The following NFXL1 variants were observed in gnomAD, a reference collection of about 807,000 sequenced individuals.
NFXL1 encodes NF-X1-type zinc finger protein NFXL1.
A neutral mutation model predicts 123.3 loss-of-function variants in NFXL1; 66 were observed. The ratio of observed to expected loss-of-function variants is 0.54; its 90% CI spans 0.44 to 0.66. The LOEUF (loss-of-function observed/expected upper bound fraction) is 0.66. Ranked by LOEUF, NFXL1 falls within the 30% of genes least tolerant of loss-of-function variation. The pLI is 0.00. For missense variants in NFXL1, 944 were observed against 1,125.6 expected (o/e 0.84, Z 2.31); for synonymous variants, 346 against 360.8 (o/e 0.96, Z 0.46).
Position 47,905,221 on chromosome 4 carries a change from A to G in NFXL1, c.516+16T>C, listed in dbSNP as rs770375012. ...TTTGGGGAGATACATTAATATAAATAAGGAGAAAAACTTACTGCTTGGTTT... is the reference window on the plus strand; with the variant it reads ...TTTGGGGAGATACATTAATATAAATGAGGAGAAAAACTTACTGCTTGGTTT... On this transcript the variant is annotated intron_variant, in intron 4 of 22. Coordinates refer to ENST00000507489, the MANE Select transcript of NFXL1 (RefSeq NM_001278624.2). 5.5e-6 allele frequency: 6 copies of G among 1,097,132 alleles called. No homozygotes were observed. The highest frequency in any genetic ancestry group is 6.9e-6 in the Non-Finnish European group (5 of 723,080). The allele number at this position is 1,097,132 out of a possible 1,614,324, so 68.0% of individuals were successfully genotyped here.
At chr4:47,890,363 C>T (rs2110086725) in intron 12 of NFXL1, among the ~76,000 whole-genome samples, 1 of 152,176 alleles carries the variant, frequency 6.6e-6, no homozygotes, top group South Asian at 2.1e-4. Context: ...CTTTTATATA[C>T]AGAAATCCTG....
intron 10 of NFXL1, among the ~76,000 whole-genome samples, chr4:47,896,074 A>G (rs1578033093): frequency 6.6e-6 from 1 of 152,222 alleles, no homozygotes. Flanking sequence ...ACATTTAACC[A>G]TTAAAGTCAC....
intron 17 of NFXL1, among the ~76,000 whole-genome samples, chr4:47,875,519 T>C (rs1462118612): frequency 6.6e-6 from 1 of 152,190 alleles, no homozygotes. Context: ...TTTTTGCCTA[T>C]GAGCCTCATT....
At chr4:47,889,136 C>T (rs1419735777) in intron 12 of NFXL1, among the ~76,000 whole-genome samples, 1 of 152,090 alleles carries the variant, frequency 6.6e-6, no homozygotes, top group East Asian at 1.9e-4. Flanking sequence ...AGATGTTAGA[C>T]ATTTATCAAG....
At chr4:47,892,045 C>T (rs889317944) in intron 11 of NFXL1, among the ~76,000 whole-genome samples, 2 of 152,094 alleles carry the variant, frequency 1.3e-5, no homozygotes, top group Non-Finnish European at 2.9e-5. Flanking sequence ...ATTATGTGGT[C>T]CATGACTTGA....
At position 47,884,411 on chromosome 4, in the gene NFXL1, C is replaced by CTGT; in HGVS notation, c.1848_1850dup (p.Gln617dup). ...TCTGAATAAATGCTGGCTCAGAAGG[C>CTGT]TGTTCCCAAGGGCCTGTAGGCTGGT... is the stretch of plus-strand genomic sequence containing the variant. On this transcript the variant is annotated inframe_insertion, in exon 15 of 23. Coordinates refer to ENST00000507489, the MANE Select transcript of NFXL1 (RefSeq NM_001278624.2). The CTGT allele has an allele frequency of 6.2e-7, 1 of 1,611,126 alleles. No individual in the cohort carries two copies. The highest frequency in any genetic ancestry group is 1.1e-5 in the South Asian group (1 of 90,874).
intron 18 of NFXL1, among the ~76,000 whole-genome samples, chr4:47,865,171 G>A (rs956925816): frequency 5.3e-5 from 8 of 152,124 alleles, no homozygotes; most frequent in Admixed American, 1.3e-4. Flanking sequence ...TGTTTTAAGA[G>A]CAGAGGAAAA....
intron 20 of NFXL1, among the ~76,000 whole-genome samples, chr4:47,853,425 C>T (rs1214544709): frequency 1.3e-5 from 2 of 151,830 alleles, no homozygotes; most frequent in Non-Finnish European, 2.9e-5. Flanking sequence ...TCTCTATAAA[C>T]TCTATTTTAC....
chr4:47,869,687 T>C (rs1015521004), intron 18 of NFXL1, among the ~76,000 whole-genome samples: 6 of 152,150 alleles, frequency 3.9e-5, no homozygotes, highest in Admixed American at 3.9e-4. Context: ...TCAATTCTTC[T>C]TAAAGAAATT....
intron 10 of NFXL1, among the ~76,000 whole-genome samples, chr4:47,895,989 G>T (rs765194044): frequency 6.6e-6 from 1 of 152,084 alleles, no homozygotes; most frequent in Non-Finnish European, 1.5e-5. Context: ...TGTCTCTCAG[G>T]GAATAGGAAG....
At position 47,903,218 on chromosome 4, in the gene NFXL1, C is replaced by G; in HGVS notation, c.622G>C (p.Gly208Arg). ...CAAGGCCAGGGACAATCTTTCTTTC[C>G]AAAATCATCATCAGTCACAGAAGAT... ...LVSSVTDDDF[G>R]KKDCPWPCPK... Residue 208 changes from glycine (G) to arginine (R), a missense_variant, in exon 5 of 23, where the codon GGA (glycine) becomes CGA (arginine). This residue lies in a region of NFXL1 where 303 missense variants were observed against 292.1 expected (regional missense o/e 1.04). Transcript: ENST00000507489. The G allele has an allele frequency of 6.3e-7, 1 of 1,593,884 alleles. No individual in the cohort carries two copies. Among genetic ancestry groups the G allele is most frequent in the African/African-American group, 1.4e-5 (1 of 73,352 alleles).
chr4:47,868,408 A>C (rs1735233236), intron 18 of NFXL1, among the ~76,000 whole-genome samples: 1 of 150,646 alleles, frequency 6.6e-6, no homozygotes, highest in South Asian at 2.1e-4. Flanking sequence ...AAAAAGAATA[A>C]AACATGCAAC....
At chr4:47,867,643 G>A (rs1735180930) in intron 18 of NFXL1, among the ~76,000 whole-genome samples, 1 of 65,864 alleles carries the variant, frequency 1.5e-5, no homozygotes, top group Admixed American at 2.0e-4. Flanking sequence ...TTTTAAAGAT[G>A]GAGGAGGAGG....
At chr4:47,909,019 T>A (rs1189113425) in intron 3 of NFXL1, among the ~76,000 whole-genome samples, 1 of 150,792 alleles carries the variant, frequency 6.6e-6, no homozygotes, top group Non-Finnish European at 1.5e-5. Context: ...AGAAAATCTC[T>A]AATAATCAAG....
chr4:47,905,146 T>G (rs1737505842), intron 4 of NFXL1, 91 bp downstream of exon 4: 4 of 534,078 alleles, frequency 7.5e-6, no homozygotes, highest in Non-Finnish European at 1.4e-5. Context: ...TAAACATAAG[T>G]AAACAAAAGA....
intron 18 of NFXL1, among the ~76,000 whole-genome samples, chr4:47,864,945 G>A (rs1036681): frequency 0.83 from 125,738 of 152,178 alleles, 52,169 homozygotes; most frequent in East Asian, 0.98. Flanking sequence ...GTCAGTCAGA[G>A]ATTCCAGAGG....
At chr4:47,909,206 C>T (rs761204005) in intron 3 of NFXL1, among the ~76,000 whole-genome samples, 3 of 152,190 alleles carry the variant, frequency 2.0e-5, no homozygotes, top group Non-Finnish European at 2.9e-5. Flanking sequence ...AGATGCTAAG[C>T]AATATGTCAA....
chr4:47,861,325 C>G (rs1253385600), intron 19 of NFXL1, among the ~76,000 whole-genome samples: 1 of 152,228 alleles, frequency 6.6e-6, no homozygotes, highest in South Asian at 2.1e-4. Flanking sequence ...CAAACTATAA[C>G]GGCCATTTGA....
intron 18 of NFXL1, among the ~76,000 whole-genome samples, chr4:47,866,974 C>A (rs1415023459): frequency 6.6e-6 from 1 of 152,184 alleles, no homozygotes; most frequent in Non-Finnish European, 1.5e-5. Context: ...TATGTGGCTC[C>A]ACTGGGAGCA....
Sources: gnomAD v4.1 joint callset for allele counts (sites outside exome capture counted in the v4.1 genomes callset) on GRCh38, gnomAD v4.1.1 for gene constraint, gnomAD v4.1.1 regional missense constraint, MANE v1.5 for transcripts, NCBI Gene and HGNC (gene_info 2026-07-23, HGNC 2026-07-21) for gene names.